The following WWOX variants were observed in gnomAD, a reference collection of about 807,000 sequenced individuals.
WWOX encodes WW domain containing oxidoreductase.
Under a neutral mutation model 46.2 loss-of-function variants are expected in WWOX, and 69 were observed. The observed-to-expected ratio is 1.49, with a 90% CI of 1.23 to 1.82. The LOEUF (loss-of-function observed/expected upper bound fraction) is 1.82, where lower values mean the gene tolerates loss of function less well. Among genes scored for constraint, WWOX ranks in the 40% most tolerant of loss-of-function variants. The pLI is 0.00. For synonymous variants in WWOX, 359 were observed against 202.6 expected (o/e 1.77, Z -6.56); for missense variants, 919 against 542.6 (o/e 1.69, Z -6.89).
chr16:78,544,695 A>G (rs2043982598), intron 8 of WWOX, among the ~76,000 whole-genome samples: 1 of 151,400 alleles, frequency 6.6e-6, no homozygotes, highest in Non-Finnish European at 1.5e-5. Context: ...CAACAGAGCC[A>G]GACCATCCAT....
At position 79,211,790 on chromosome 16, in the gene WWOX, C is replaced by T. The variant is rs199576434; in HGVS notation, c.1239C>T (p.Ser413=). 7.6e-3 allele frequency: 12,208 copies of T among 1,614,096 alleles called. 72 individuals are homozygous for T. The highest frequency in any genetic ancestry group is 8.1e-3 in the Non-Finnish European group (9,605 of 1,179,984). Residue 413 remains serine, a synonymous_variant, in exon 9 of 9, where the codon TCC becomes TCT. Coordinates refer to ENST00000566780, the MANE Select transcript of WWOX (RefSeq NM_016373.4). ...TCCAAGAACGGCTTGGCAGCCAGTC[C>T]GGCTAAGTGGAGCTCAGAGCGGATG... The part of the protein sequence containing the change: ...RLIQERLGSQ[S]G
intron 8 of WWOX, among the ~76,000 whole-genome samples, chr16:78,702,234 G>T (rs992956810): frequency 1.3e-5 from 2 of 149,584 alleles, no homozygotes; most frequent in Admixed American, 1.3e-4. Flanking sequence ...GAGCAGTGAT[G>T]ACTCCACTAT....
chr16:78,455,635 C>A (rs1490250801), intron 8 of WWOX, among the ~76,000 whole-genome samples: 9 of 83,986 alleles, frequency 1.1e-4, no homozygotes, highest in African/African-American at 2.1e-4. Context: ...CAGAGCAAGA[C>A]TCTGTCTCAA....
Position 78,128,718 on chromosome 16 carries a change from C to T in WWOX, c.409+13564C>T, listed in dbSNP as rs536658785. Among the ~76,000 whole-genome samples, 8 of 152,144 alleles carry T rather than the reference C, an allele frequency of 5.3e-5. 1 individual carries two copies. Among genetic ancestry groups the T allele is most frequent in the Non-Finnish European group, 2.9e-5 (2 of 68,036 alleles). On this transcript the variant is annotated intron_variant, in intron 4 of 8. Transcript: ENST00000566780. ...CAATCTCTTTCAAATGGAGAGACTC[C>T]GCTGTGTCAGCCACCATTGGCTATA...
At chr16:78,968,077 G>T (rs1017341894) in intron 8 of WWOX, among the ~76,000 whole-genome samples, 1 of 151,826 alleles carries the variant, frequency 6.6e-6, no homozygotes, top group Non-Finnish European at 1.5e-5. Flanking sequence ...GGTCTGTATG[G>T]CACAGTGCAT....
intron 8 of WWOX, among the ~76,000 whole-genome samples, chr16:78,511,678 C>T (rs1457892417): frequency 1.3e-5 from 2 of 152,080 alleles, no homozygotes; most frequent in East Asian, 1.9e-4. Flanking sequence ...TCTGTAGTAC[C>T]CCCCGCCTAG....
intron 8 of WWOX, among the ~76,000 whole-genome samples, chr16:79,112,480 T>C (rs2049436086): frequency 6.6e-6 from 1 of 152,140 alleles, no homozygotes; most frequent in Non-Finnish European, 1.5e-5. Context: ...GCGTGCCTTT[T>C]GACCCTTCTC....
chr16:78,547,162 A>T (rs1457870951), intron 8 of WWOX, among the ~76,000 whole-genome samples: 1 of 143,840 alleles, frequency 7.0e-6, no homozygotes, highest in African/African-American at 2.6e-5. Context: ...AAAAAAAACA[A>T]CTACCAGGCC....
intron 5 of WWOX, among the ~76,000 whole-genome samples, chr16:78,240,187 G>A (rs2037590476): frequency 6.6e-6 from 1 of 152,072 alleles, no homozygotes; most frequent in Admixed American, 6.5e-5. Context: ...CTCATGAGAA[G>A]AGGAAAGCAG....
Position 79,110,666 on chromosome 16 carries a change from G to C in WWOX, c.1057-100942G>C, listed in dbSNP as rs549839762. The C allele has an allele frequency of 7.9e-5, 12 of 152,214 alleles. No homozygotes were observed. The East Asian group carries it at 2.3e-3, about 29-fold the overall frequency. The allele number at this position is 152,214 out of a possible 1,614,324, so 9.4% of individuals were successfully genotyped here. A position where few individuals can be genotyped will look rare whatever the true frequency, so the allele number is the denominator to read the frequency against. On this transcript the variant is annotated intron_variant, in intron 8 of 8. Transcript: ENST00000566780. ...TTCTCTTCATTGTTGTTAAACTCAC[G>C]TTCATTTCTCTTGTAGTCAGGGAAA...
intron 8 of WWOX, among the ~76,000 whole-genome samples, chr16:78,550,144 C>T (rs1321872787): frequency 6.6e-6 from 1 of 152,198 alleles, no homozygotes; most frequent in Non-Finnish European, 1.5e-5. Flanking sequence ...TTCTCTTCTT[C>T]ACTAAACCCA....
At chr16:78,428,665 T>G (rs2083144588) in intron 7 of WWOX, among the ~76,000 whole-genome samples, 1 of 152,228 alleles carries the variant, frequency 6.6e-6, no homozygotes, top group Non-Finnish European at 1.5e-5. Context: ...AGTCATGACA[T>G]ACTTCTGTGT....
intron 8 of WWOX, among the ~76,000 whole-genome samples, chr16:78,533,687 C>T (rs949998219): frequency 1.3e-5 from 2 of 152,140 alleles, no homozygotes; most frequent in African/African-American, 4.8e-5. Context: ...CCCATTTTCC[C>T]CAGACCTAAC....
intron 8 of WWOX, among the ~76,000 whole-genome samples, chr16:78,931,629 A>G (rs748790181): frequency 6.6e-6 from 1 of 152,224 alleles, no homozygotes; most frequent in Non-Finnish European, 1.5e-5. Context: ...ATTAGGTAAA[A>G]TATAGTGCAG....
intron 5 of WWOX, among the ~76,000 whole-genome samples, chr16:78,261,507 T>C (rs568926414): frequency 1.6e-4 from 24 of 150,896 alleles, no homozygotes; most frequent in South Asian, 1.2e-3. Flanking sequence ...TCCATTTCTC[T>C]TCTGCAGATT....
chr16:78,610,456 A>T (rs2045874293), intron 8 of WWOX, among the ~76,000 whole-genome samples: 1 of 152,214 alleles, frequency 6.6e-6, no homozygotes, highest in Non-Finnish European at 1.5e-5. Flanking sequence ...CTCAATTCTT[A>T]TTTAAAAGAT....
At chr16:78,483,106 C>T (rs981758089) in intron 8 of WWOX, among the ~76,000 whole-genome samples, 2 of 152,154 alleles carry the variant, frequency 1.3e-5, no homozygotes, top group African/African-American at 4.8e-5. Flanking sequence ...TTTGCAAAGT[C>T]AAGTTGGAGA....
chr16:79,124,154 G>A (rs940892507), intron 8 of WWOX, among the ~76,000 whole-genome samples: 3 of 152,146 alleles, frequency 2.0e-5, no homozygotes, highest in South Asian at 2.1e-4. Flanking sequence ...GTGCCCCAGA[G>A]GGTGAAGCTT....
chr16:78,679,228 C>G (rs1429600549), intron 8 of WWOX, among the ~76,000 whole-genome samples: 1 of 152,126 alleles, frequency 6.6e-6, no homozygotes, highest in Non-Finnish European at 1.5e-5. Flanking sequence ...CCGTTTCTTA[C>G]CATGATGGCG....
Sources: allele counts gnomAD v4.1 joint callset (sites outside exome capture counted in the v4.1 genomes callset), GRCh38; gene constraint gnomAD v4.1.1; transcripts MANE v1.5; gene names NCBI Gene and HGNC (gene_info 2026-07-23, HGNC 2026-07-21).